Variants in RIMKLB observed in about 807,000 individuals in gnomAD.
The protein encoded by RIMKLB is beta-citrylglutamate synthase B.
In RIMKLB, 7 loss-of-function variants were observed where a neutral mutation model predicts 32.0. The ratio of observed to expected loss-of-function variants is 0.22; its 90% CI spans 0.12 to 0.41. RIMKLB has a LOEUF of 0.41. Among genes scored for constraint, RIMKLB ranks in the 10% least tolerant of loss-of-function variants. The probability of loss-of-function intolerance (pLI) is 1.00; values close to 1 mark genes in which losing one functional copy is unlikely to be tolerated. For missense variants in RIMKLB, 289 were observed against 498.7 expected (o/e 0.58, Z 4.00); for synonymous variants, 172 against 185.1 (o/e 0.93, Z 0.57).
At position 8,747,441 on chromosome 12, in the gene RIMKLB, C is replaced by T. The variant is rs775203511; in HGVS notation, c.176-2421C>T. On this transcript the variant is annotated intron_variant, in intron 2 of 5. Coordinates refer to ENST00000535829, the MANE Select transcript of RIMKLB (RefSeq NM_001297776.2). ...GCTCATGGTTTATGCCTTAATTTTG[C>T]CATTAGTTCTACCTCCCTGATTTTT... Among the ~76,000 whole-genome samples the T allele has an allele frequency of 3.3e-5, 5 of 152,092 alleles. No homozygotes were observed. The South Asian group carries it at 1.0e-3, about 32-fold the overall frequency.
chr12:8,735,761 G>T (rs1946944711), intron 2 of RIMKLB, among the ~76,000 whole-genome samples: 1 of 150,194 alleles, frequency 6.7e-6, no homozygotes, highest in African/African-American at 2.5e-5. Flanking sequence ...ACGTAGTTTC[G>T]CTCTTATTGC....
At chr12:8,724,837 G>C (rs1945827273) in intron 2 of RIMKLB, among the ~76,000 whole-genome samples, 1 of 152,102 alleles carries the variant, frequency 6.6e-6, no homozygotes, top group Admixed American at 6.6e-5. Context: ...CCTGTCACTG[G>C]GTTTTACTGA....
Position 8,714,670 on chromosome 12 carries a change from G to GAT in RIMKLB, c.175+632_175+633dup, listed in dbSNP as rs1447034212. The stretch of plus-strand genomic sequence containing the variant: ...TATTTGTTTTGGGATTGTAGGGGAA[G>GAT]ATATCCTAGAAAAGTATAGAAATTC... On this transcript the variant is annotated intron_variant, in intron 2 of 5. Coordinates refer to ENST00000535829, the MANE Select transcript of RIMKLB (RefSeq NM_001297776.2). Among the ~76,000 whole-genome samples, 5 of 152,196 alleles carry GAT rather than the reference G, an allele frequency of 3.3e-5. No homozygotes were observed. The East Asian group carries it at 9.6e-4, about 29-fold the overall frequency.
chr12:8,769,714 A>G (rs567804778), intron 5 of RIMKLB, among the ~76,000 whole-genome samples: 2 of 152,098 alleles, frequency 1.3e-5, no homozygotes, highest in Non-Finnish European at 2.9e-5. Flanking sequence ...TATGCTCATA[A>G]TCAGACAGAT....
chr12:8,706,553 C>T (rs774708030), intron 1 of RIMKLB, among the ~76,000 whole-genome samples: 10 of 150,808 alleles, frequency 6.6e-5, no homozygotes, highest in East Asian at 1.9e-4. Context: ...TGGGTTCAAG[C>T]GATTCTCCTG....
chr12:8,782,382 C>T (rs975648076), intron 7 of RIMKLB, among the ~76,000 whole-genome samples: 4 of 151,062 alleles, frequency 2.6e-5, no homozygotes, highest in African/African-American at 4.8e-5. Flanking sequence ...AGTAATAGTA[C>T]GGAGACATCT....
downstream of RIMKLB, chr12:8,777,221 T>TC (rs749998785): frequency 6.3e-6 from 6 of 958,104 alleles, no homozygotes; most frequent in Non-Finnish European, 7.4e-6. Context: ...CTTTCTTTTT[T>TC]TTTTTTTTTT....
At chr12:8,756,769 G>A (rs1002057886) in intron 5 of RIMKLB, among the ~76,000 whole-genome samples, 17 of 132,156 alleles carry the variant, frequency 1.3e-4, no homozygotes, top group Admixed American at 3.7e-4. Flanking sequence ...TCAGCTCACT[G>A]CAACCTCTGC....
downstream of RIMKLB, among the ~76,000 whole-genome samples, chr12:8,778,198 C>T (rs1350863634): frequency 6.6e-6 from 1 of 152,052 alleles, no homozygotes; most frequent in Admixed American, 6.6e-5. Flanking sequence ...AGTATAAAGA[C>T]ATCAATTAGG....
At chr12:8,699,173 A>G (rs1031186689) in intron 1 of RIMKLB, among the ~76,000 whole-genome samples, 4 of 152,142 alleles carry the variant, frequency 2.6e-5, no homozygotes, top group Non-Finnish European at 5.9e-5. Flanking sequence ...TCATTTTCCC[A>G]TTAGTTATAT....
upstream of RIMKLB, among the ~76,000 whole-genome samples, chr12:8,681,325 CA>C (rs112409279): frequency 0.048 from 7,085 of 147,074 alleles, 486 homozygotes; most frequent in African/African-American, 0.15. Flanking sequence ...AACAATTGTA[CA>C]AAAAAAAAAT....
intron 2 of RIMKLB, among the ~76,000 whole-genome samples, chr12:8,720,821 T>G (rs189330435): frequency 5.3e-5 from 8 of 152,292 alleles, no homozygotes; most frequent in East Asian, 3.9e-4. Context: ...ATTACAGGCA[T>G]GAGCCACCGC....
chr12:8,693,976 C>T (rs1298197937), upstream of RIMKLB, among the ~76,000 whole-genome samples: 1 of 152,052 alleles, frequency 6.6e-6, no homozygotes, highest in Non-Finnish European at 1.5e-5. Context: ...GGTGAGATGG[C>T]TCATGCCTGT....
In RIMKLB at chr12:8,687,820, GAAAAAAAAAA is replaced by G. The variant is rs752174507; in HGVS notation, n.219+6014_219+6023del. The stretch of plus-strand genomic sequence containing the variant: ...GCTAGAGCAAGTTCCAAGTCAGGAA[GAAAAAAAAAA>G]AAAAAAAAAAAGCAGGTGACCTGGG... On this transcript the variant is annotated intron_variant and non_coding_transcript_variant, in intron 1 of 1. Coordinates refer to the RIMKLB transcript ENST00000538758. Among the ~76,000 whole-genome samples, 7 of 72,922 alleles carry G rather than the reference GAAAAAAAAAA, an allele frequency of 9.6e-5. No individual in the cohort carries two copies. In the South Asian group the frequency reaches 3.9e-3, roughly 41 times the overall value. The allele number at this position is 72,922 out of a possible 152,430, so 47.8% of individuals were successfully genotyped here.
intron 1 of RIMKLB, among the ~76,000 whole-genome samples, chr12:8,704,391 A>G (rs563777523): frequency 1.4e-4 from 21 of 152,258 alleles, no homozygotes; most frequent in Non-Finnish European, 2.9e-4. Context: ...TCAAAAAAAA[A>G]AAAAATTGAT....
At chr12:8,765,500 A>C (rs1210406666) in intron 5 of RIMKLB, among the ~76,000 whole-genome samples, 1 of 152,184 alleles carries the variant, frequency 6.6e-6, no homozygotes, top group Non-Finnish European at 1.5e-5. Context: ...CAGTAACATT[A>C]TATCTCTCCA....
intron 2 of RIMKLB, among the ~76,000 whole-genome samples, chr12:8,732,108 T>G (rs970068979): frequency 5.3e-5 from 8 of 152,034 alleles, no homozygotes; most frequent in Non-Finnish European, 7.4e-5. Flanking sequence ...CTAGAACTTT[T>G]ATTGTGGACT....
At chr12:8,699,221 C>T (rs370315431) in intron 1 of RIMKLB, among the ~76,000 whole-genome samples, 1 of 152,068 alleles carries the variant, frequency 6.6e-6, no homozygotes, top group East Asian at 1.9e-4. Flanking sequence ...AGGTTCAACT[C>T]TAAATAGGTA....
intron 2 of RIMKLB, among the ~76,000 whole-genome samples, chr12:8,733,858 G>GAC (rs1341936697): frequency 6.6e-6 from 1 of 152,188 alleles, no homozygotes; most frequent in East Asian, 1.9e-4. Context: ...TAGCCTGGGT[G>GAC]ACACAGTGAG....
Sources: gnomAD v4.1 joint callset for allele counts (sites outside exome capture counted in the v4.1 genomes callset) on GRCh38, gnomAD v4.1.1 for gene constraint, MANE v1.5 for transcripts, NCBI Gene and HGNC (gene_info 2026-07-23, HGNC 2026-07-21) for gene names.